Variants in AP3B2 observed in about 807,000 individuals in gnomAD.
AP3B2 encodes adaptor related protein complex 3 subunit beta 2, also known as AP-3 complex subunit beta-2.
Under a neutral mutation model 126.9 loss-of-function variants are expected in AP3B2, and 50 were observed. The ratio of observed to expected loss-of-function variants is 0.39; its 90% CI spans 0.31 to 0.50. AP3B2 has a LOEUF of 0.50. Among genes scored for constraint, AP3B2 ranks in the 20% least tolerant of loss-of-function variants. The probability of loss-of-function intolerance (pLI) is 0.79; values close to 1 mark genes in which losing one functional copy is unlikely to be tolerated. For synonymous variants in AP3B2, 541 were observed against 565.0 expected (o/e 0.96, Z 0.60); for missense variants, 1,177 against 1,426.4 (o/e 0.83, Z 2.82).
rs2048272024 is a variant in AP3B2 at position 82,677,975 on chromosome 15, C to A, written c.1245+130G>T. 4.4e-6 allele frequency: 6 copies of A among 1,369,442 alleles called. No homozygotes were observed. The South Asian group carries it at 6.8e-5, about 16-fold the overall frequency. The allele number at this position is 1,369,442 out of a possible 1,614,324, so 84.8% of individuals were successfully genotyped here. On this transcript the variant is annotated intron_variant, in intron 11 of 26. Transcript: ENST00000535359. Reference sequence around the variant, plus strand: ...ATTCCTTGGCCCAAAGCCAGCCAAACACATTGGAACGGGAATGTAAGATAA... The same window carrying A: ...ATTCCTTGGCCCAAAGCCAGCCAAAAACATTGGAACGGGAATGTAAGATAA...
At position 82,663,143 on chromosome 15, in the gene AP3B2, G is replaced by C; in HGVS notation, c.2588C>G (p.Ser863Cys). Residue 863 changes from serine (S) to cysteine (C), a missense_variant, in exon 22 of 27, where the codon TCC becomes TGC. Coordinates refer to ENST00000535359, the MANE Select transcript of AP3B2 (RefSeq NM_001278512.2). The stretch of plus-strand genomic sequence containing the variant: ...CCCACTCACCGACGGTACCAGGGTG[G>C]AGTCTGTGAGTGTCAGGCCCTCCAG... ...ADLEGLTLTD[S>C]TLVPSLLSPV... The C allele has an allele frequency of 6.2e-7, 1 of 1,611,420 alleles. No homozygotes were observed. The highest frequency in any genetic ancestry group is 8.5e-7 in the Non-Finnish European group (1 of 1,179,326).
chr15:82,685,627 G>A (rs1164077766), intron 4 of AP3B2: 2 of 152,074 alleles, frequency 1.3e-5, no homozygotes, highest in South Asian at 2.1e-4. Context: ...TTCCTTTTTT[G>A]TGTGTGAGCA....
rs759459995 is a variant in AP3B2, at chr15:82,663,967, C to T, written c.2270G>A (p.Ser757Asn). Residue 757 changes from serine to asparagine, a missense_variant, in exon 20 of 27, where the codon AGT (serine) becomes AAT (asparagine). Physicochemically the swap from Ser to Asn is conservative, Grantham distance 46. Transcript: ENST00000535359. The part of the protein sequence containing the change: ...EKGRGSESEQ[S>N]EEDGKRKTKK... ...TGTCTTCCTCTTACCATCCTCCTCA[C>T]TCTGTTCACTGAAGGAGTGGGAAAG... The T allele has an allele frequency of 1.2e-6, 2 of 1,603,196 alleles. No homozygotes were observed. Among genetic ancestry groups the T allele is most frequent in the East Asian group, 4.5e-5 (2 of 44,874 alleles).
rs958101659 is a variant in AP3B2, at chr15:82,691,660, G to A, written c.114-2207C>T. On this transcript the variant is annotated intron_variant, in intron 1 of 26. Coordinates refer to ENST00000535359, the MANE Select transcript of AP3B2 (RefSeq NM_001278512.2). ...CGCTAAATCCTCAATCTGGAATGCA[G>A]ATTCTGAGCACAAAGCAGCTCAGTT... 3 of 1,220,420 alleles carry A rather than the reference G, an allele frequency of 2.5e-6. No homozygotes were observed. In the African/African-American group the frequency reaches 4.7e-5, roughly 19 times the overall value. 75.6% of individuals were successfully genotyped at this position (1,220,420 alleles called of 1,614,324 possible). A position where few individuals can be genotyped will look rare whatever the true frequency, so the allele number is the denominator to read the frequency against.
At chr15:82,663,682 G>A (rs923247894) in intron 20 of AP3B2, 62 bp from the exon 21 acceptor site, 94 of 1,611,404 alleles carry the variant, frequency 5.8e-5, no homozygotes, top group Non-Finnish European at 7.8e-5. Flanking sequence ...GTTCTGGGTT[G>A]GGTAGAAGAT....
intron 1 of AP3B2, among the ~76,000 whole-genome samples, chr15:82,706,228 C>G (rs2048793663): frequency 6.6e-6 from 1 of 152,194 alleles, no homozygotes; most frequent in Admixed American, 6.5e-5. Flanking sequence ...ACACCTGACG[C>G]ATATACTTTC....
At chr15:82,699,282 T>A (rs201707674) in intron 1 of AP3B2, 20,530 of 176,446 alleles carry the variant, frequency 0.12, 1,397 homozygotes, top group East Asian at 0.32. Context: ...AGGCAGTGGC[T>A]GGCCAAACCC....
At chr15:82,677,606 C>A in intron 12 of AP3B2, 65 bp downstream of exon 12, 2 of 1,481,406 alleles carry the variant, frequency 1.4e-6, no homozygotes, top group Admixed American at 4.6e-5. Context: ...CAGTGGCCAG[C>A]AGAGTCAGAC....
intron 4 of AP3B2, chr15:82,685,414 T>G (rs1179526388): frequency 6.6e-6 from 1 of 152,184 alleles, no homozygotes; most frequent in Non-Finnish European, 1.5e-5. Context: ...AATAGAACAC[T>G]AAAGAAGGGT....
chr15:82,659,648 G>C lies in AP3B2; in HGVS notation c.3218C>G (p.Ala1073Gly). The change falls in exon 27 of 27, where the codon GCT (alanine) becomes GGT (glycine). Residue 1073 changes from alanine (A) to glycine (G), a missense_variant. Transcript: ENST00000535359. ...GTTGACAGTCAGCTGGGCAGCTCCA[G>C]CTGGCCGGGCATCCAGGGTCAGCAG... Reference protein sequence around the residue: ...LVLLTLDARPAGAAQLTVNSE... With the variant: ...LVLLTLDARPGGAAQLTVNSE... 1.2e-6 allele frequency: 2 copies of C among 1,613,976 alleles called. No homozygotes were observed. Among genetic ancestry groups the C allele is most frequent in the South Asian group, 2.2e-5 (2 of 91,082 alleles).
chr15:82,661,021 C>T (rs2047935537), intron 25 of AP3B2, among the ~76,000 whole-genome samples: 1 of 152,180 alleles, frequency 6.6e-6, no homozygotes, highest in African/African-American at 2.4e-5. Context: ...TCTTAGGTAA[C>T]TGTGGTTTGC....
intron 4 of AP3B2, among the ~76,000 whole-genome samples, chr15:82,684,033 C>A (rs1024899499): frequency 6.6e-6 from 1 of 152,196 alleles, no homozygotes; most frequent in Non-Finnish European, 1.5e-5. Context: ...AGAGCACAGG[C>A]AGAGGAGATC....
In AP3B2 at chr15:82,659,663, AG is replaced by A; in HGVS notation, c.3202del (p.Leu1068TrpfsTer11). ...GGCAGCTCCAGCTGGCCGGGCATCC[AG>A]GGTCAGCAGAACGAGGCTTCCACCA... ...LTGGSLVLLT[L>X]DARPAGAAQL... On this transcript the variant is annotated frameshift_variant, in exon 27 of 27. Transcript: ENST00000535359. LOFTEE classifies it high-confidence loss of function. 1 of 1,613,944 alleles carries A rather than the reference AG, an allele frequency of 6.2e-7. No individual in the cohort carries two copies. The highest frequency in any genetic ancestry group is 8.5e-7 in the Non-Finnish European group (1 of 1,179,878).
At chr15:82,673,224 A>G (rs1241971743) in intron 14 of AP3B2, among the ~76,000 whole-genome samples, 1 of 152,154 alleles carries the variant, frequency 6.6e-6, no homozygotes, top group Non-Finnish European at 1.5e-5. Flanking sequence ...TTTAATTTTT[A>G]TTTATTTTTG....
chr15:82,660,016 C>T (rs771206349), intron 25 of AP3B2, 33 bp from the exon 26 acceptor site: 82 of 1,610,292 alleles, frequency 5.1e-5, no homozygotes, highest in Non-Finnish European at 7.0e-5. Flanking sequence ...GGGCAGAGGC[C>T]ATGGTGGGTA....
Position 82,688,742 on chromosome 15 carries a change from G to C in AP3B2, c.354C>G (p.Gly118=), listed in dbSNP as rs573639811. Residue 118 remains glycine, a synonymous_variant, in exon 4 of 27, where the codon GGC becomes GGG. Transcript: ENST00000535359. ...ALLSISTFQR[G]LKDPNQLIRA... ...GCAAACTGAGACCCCTGACCTTTAG[G>C]CCACGTTGGAAGGTGGAGATGGACA... 1.1e-5 allele frequency: 18 copies of C among 1,611,426 alleles called. No individual in the cohort carries two copies. The African/African-American group carries it at 2.3e-4, about 20-fold the overall frequency.
intron 4 of AP3B2, 48 bp downstream of exon 4, chr15:82,688,688 C>T: frequency 6.6e-7 from 1 of 1,521,350 alleles, no homozygotes; most frequent in Non-Finnish European, 9.0e-7. Context: ...TCCTCCGATA[C>T]AGCGCCAACG....
At chr15:82,683,362 C>G (rs116672624) in intron 4 of AP3B2, among the ~76,000 whole-genome samples, 266 of 152,254 alleles carry the variant, frequency 1.7e-3, no homozygotes, top group African/African-American at 5.9e-3. Flanking sequence ...CGGCAGATTC[C>G]ATTTTAAGAA....
At chr15:82,694,121 A>C (rs553209948) in intron 1 of AP3B2, among the ~76,000 whole-genome samples, 3 of 152,128 alleles carry the variant, frequency 2.0e-5, no homozygotes, top group Admixed American at 6.5e-5. Context: ...CTCATGCCTC[A>C]GCCTCCTAAA....
Sources: gnomAD v4.1 joint callset for allele counts (sites outside exome capture counted in the v4.1 genomes callset) on GRCh38, gnomAD v4.1.1 for gene constraint, MANE v1.5 for transcripts, NCBI Gene and HGNC (gene_info 2026-07-23, HGNC 2026-07-21) for gene names.